SMURF1: variants seen among roughly 807,000 people sequenced by gnomAD.
SMURF1 encodes E3 ubiquitin-protein ligase SMURF1.
A neutral mutation model predicts 98.0 loss-of-function variants in SMURF1; 44 were observed. The ratio of observed to expected loss-of-function variants is 0.45; its 90% CI spans 0.35 to 0.58. The LOEUF is 0.58. Ranked by LOEUF, SMURF1 falls within the 20% of genes least tolerant of loss-of-function variation. SMURF1 has a pLI of 0.00. For synonymous variants in SMURF1, 396 were observed against 374.9 expected, an observed-to-expected ratio of 1.06 and a Z score of -0.65; for missense variants, 687 against 938.4, an observed-to-expected ratio of 0.73 and a Z score of 3.50.
chr7:99,139,061 C>T (rs1039422449), intron 1 of SMURF1, among the ~76,000 whole-genome samples: 2 of 152,212 alleles, frequency 1.3e-5, no homozygotes, highest in African/African-American at 4.8e-5. Flanking sequence ...GCCTGCCTCA[C>T]ATAAGTGAGG....
At chr7:99,062,226 T>C (rs1451373703) in intron 1 of SMURF1, among the ~76,000 whole-genome samples, 1 of 151,892 alleles carries the variant, frequency 6.6e-6, no homozygotes, top group Non-Finnish European at 1.5e-5. Context: ...GCCCTCCCAG[T>C]AGCTAGGATT....
intron 1 of SMURF1, among the ~76,000 whole-genome samples, chr7:99,084,678 C>A (rs1796641710): frequency 6.6e-6 from 1 of 152,160 alleles, no homozygotes; most frequent in South Asian, 2.1e-4. Flanking sequence ...CCACCGCACC[C>A]AGCCGACTTT....
At chr7:99,086,310 C>T (rs959476259) in intron 1 of SMURF1, among the ~76,000 whole-genome samples, 1 of 151,408 alleles carries the variant, frequency 6.6e-6, no homozygotes. Context: ...CACACCATTG[C>T]ACTCCAGTCT....
chr7:99,137,857 T>G (rs1273224152), intron 1 of SMURF1, among the ~76,000 whole-genome samples: 1 of 152,232 alleles, frequency 6.6e-6, no homozygotes, highest in Non-Finnish European at 1.5e-5. Flanking sequence ...AATATCTAAA[T>G]GGATTAAATT....
intron 17 of SMURF1, 123 bp from the exon 18 acceptor site, chr7:99,030,806 T>C: frequency 1.6e-6 from 1 of 643,068 alleles, no homozygotes; most frequent in Non-Finnish European, 2.7e-6. Flanking sequence ...GGGGCAGGGT[T>C]GGTGATGAGT....
chr7:99,045,989 G>C (rs963087717), intron 10 of SMURF1, among the ~76,000 whole-genome samples, 188 bp from the exon 11 acceptor site: 2 of 151,732 alleles, frequency 1.3e-5, no homozygotes, highest in African/African-American at 4.8e-5. Context: ...TTCTCCCTCT[G>C]AGACAACAAC....
chr7:99,102,947 G>A (rs1797121330), intron 1 of SMURF1, among the ~76,000 whole-genome samples: 1 of 151,950 alleles, frequency 6.6e-6, no homozygotes, highest in Admixed American at 6.6e-5. Context: ...GAGACCACAG[G>A]TGCGTGCCAT....
intron 16 of SMURF1, chr7:99,035,313 C>T: frequency 4.6e-6 from 3 of 650,126 alleles, no homozygotes; most frequent in East Asian, 2.8e-5. Flanking sequence ...ACAGTCTTTG[C>T]TCAGCGGGGC....
rs565167758 is a variant in SMURF1 at position 99,054,457 on chromosome 7, C to T, written c.479+333G>A. On this transcript the variant is annotated intron_variant, in intron 6 of 17. Coordinates refer to ENST00000361368, the MANE Select transcript of SMURF1 (RefSeq NM_181349.3). ...CAGTAGCTGGGACTACAGGCGCCCA[C>T]CACCACGCCTGGCTAATTTTTTGCA... 1.8e-3 allele frequency among the ~76,000 whole-genome samples: 278 copies of T among 152,260 alleles called. 1 individual carries two copies. The highest frequency in any genetic ancestry group is 3.3e-3 in the Non-Finnish European group (222 of 68,022).
At chr7:99,083,002 T>A (rs952545287) in intron 1 of SMURF1, among the ~76,000 whole-genome samples, 10 of 152,334 alleles carry the variant, frequency 6.6e-5, no homozygotes, top group Non-Finnish European at 1.2e-4. Flanking sequence ...AATAGATTTT[T>A]AAAATTTTTT....
chr7:99,112,846 C>A (rs1797353030), intron 1 of SMURF1, among the ~76,000 whole-genome samples: 1 of 152,000 alleles, frequency 6.6e-6, no homozygotes, highest in Admixed American at 6.6e-5. Context: ...AATAAAAATT[C>A]TGGGTTTGAA....
At chr7:99,055,859 A>C (rs1795863455) in intron 5 of SMURF1, among the ~76,000 whole-genome samples, 1 of 151,762 alleles carries the variant, frequency 6.6e-6, no homozygotes, top group South Asian at 2.1e-4. Context: ...CCAGCTACTC[A>C]GGAGGCTGAG....
intron 2 of SMURF1, 146 bp downstream of exon 2, chr7:99,061,653 G>T (rs553768972): frequency 7.6e-6 from 4 of 528,050 alleles, no homozygotes; most frequent in Non-Finnish European, 1.3e-5. Flanking sequence ...GTAGTCAACC[G>T]GGAAATAAAG....
chr7:99,049,741 C>G (rs773828066), intron 8 of SMURF1, 32 bp from the exon 9 acceptor site: 1 of 1,603,634 alleles, frequency 6.2e-7, no homozygotes, highest in South Asian at 1.1e-5. Context: ...AGAGGTTTGT[C>G]CAACTGAGTA....
intron 10 of SMURF1, 70 bp downstream of exon 10, chr7:99,047,614 G>C: frequency 6.6e-7 from 1 of 1,512,126 alleles, no homozygotes. Flanking sequence ...AATCGCATTT[G>C]AGATTCCTTT....
chr7:99,119,929 C>T (rs117515999), intron 1 of SMURF1, among the ~76,000 whole-genome samples: 3,826 of 152,246 alleles, frequency 0.025, 83 homozygotes, highest in Middle Eastern at 0.088. Flanking sequence ...CATGGTGATA[C>T]GGTTTGGATA....
At chr7:99,122,631 G>A (rs542784759) in intron 1 of SMURF1, among the ~76,000 whole-genome samples, 8 of 118,134 alleles carry the variant, frequency 6.8e-5, no homozygotes, top group African/African-American at 1.7e-4. Flanking sequence ...GTGACAGAGC[G>A]AGATTCCGTG....
intron 1 of SMURF1, among the ~76,000 whole-genome samples, chr7:99,136,173 G>A (rs1478471247): frequency 2.0e-5 from 3 of 152,152 alleles, no homozygotes; most frequent in Non-Finnish European, 2.9e-5. Flanking sequence ...TAGCCTGGGC[G>A]ACAGAGCAAG....
In SMURF1 at chr7:99,144,015, A is replaced by AGCCGCCGCCGCC; in HGVS notation, c.-247_-236dup. The stretch of plus-strand genomic sequence containing the variant: ...CTGCTTCCAGCCGAGCCCAGTCCCG[A>AGCCGCCGCCGCC]GCCGCCGCCGCCTCCGCCGCCGCCT... On this transcript the variant is annotated 5_prime_UTR_variant, in exon 1 of 18. Coordinates refer to ENST00000361368, the MANE Select transcript of SMURF1 (RefSeq NM_181349.3). The AGCCGCCGCCGCC allele has an allele frequency of 3.3e-6, 1 of 303,238 alleles. No individual in the cohort carries two copies. The allele number at this position is 303,238 out of a possible 1,614,324, so 18.8% of individuals were successfully genotyped here.
Sources: allele counts gnomAD v4.1 joint callset (sites outside exome capture counted in the v4.1 genomes callset), GRCh38; gene constraint gnomAD v4.1.1; transcripts MANE v1.5; gene names NCBI Gene and HGNC (gene_info 2026-07-23, HGNC 2026-07-21).